The following CCDC178 variants were observed in gnomAD, a reference collection of about 807,000 sequenced individuals.
The protein encoded by CCDC178 is coiled-coil domain containing 178.
In CCDC178, 126 loss-of-function variants were observed where a neutral mutation model predicts 117.4. The observed-to-expected ratio is 1.07, with a 90% CI of 0.93 to 1.24. The LOEUF (loss-of-function observed/expected upper bound fraction) is 1.24. CCDC178 is among the 50% of genes most tolerant of loss of function. CCDC178 has a pLI of 0.00. For missense variants in CCDC178, 1,030 were observed against 986.9 expected (o/e 1.04, Z -0.59); for synonymous variants, 283 against 313.4 (o/e 0.90, Z 1.02).
chr18:33,083,356 G>C (rs1448904642), intron 21 of CCDC178, among the ~76,000 whole-genome samples: 2 of 152,074 alleles, frequency 1.3e-5, no homozygotes, highest in African/African-American at 2.4e-5. Context: ...AGAGATAAAG[G>C]GTATGAATAC....
At chr18:33,394,965 AT>A (rs1950649651) in intron 4 of CCDC178, among the ~76,000 whole-genome samples, 1 of 133,398 alleles carries the variant, frequency 7.5e-6, no homozygotes, top group African/African-American at 2.7e-5. Context: ...ATATATATAT[AT>A]ATATATATAT....
At chr18:33,001,462 G>A (rs868739540) in intron 21 of CCDC178, among the ~76,000 whole-genome samples, 10 of 151,882 alleles carry the variant, frequency 6.6e-5, no homozygotes, top group South Asian at 4.2e-4. Context: ...GCAGTGAGCC[G>A]AGATCACGCC....
At chr18:33,200,362 C>A (rs2058978236) in intron 20 of CCDC178, among the ~76,000 whole-genome samples, 1 of 152,220 alleles carries the variant, frequency 6.6e-6, no homozygotes, top group Non-Finnish European at 1.5e-5. Context: ...TAGTGCAACA[C>A]TAATGCGAAA....
At chr18:33,260,838 G>C (rs1329758541) in intron 14 of CCDC178, among the ~76,000 whole-genome samples, 1 of 151,732 alleles carries the variant, frequency 6.6e-6, no homozygotes, top group Non-Finnish European at 1.5e-5. Flanking sequence ...CTGCACTATA[G>C]TGGCACGCTT....
intron 7 of CCDC178, among the ~76,000 whole-genome samples, chr18:33,352,927 T>C (rs1206232440): frequency 2.6e-5 from 4 of 152,122 alleles, no homozygotes; most frequent in Non-Finnish European, 4.4e-5. Flanking sequence ...TGGTTAGGTC[T>C]TGTTGGTTCA....
intron 12 of CCDC178, among the ~76,000 whole-genome samples, chr18:33,284,846 C>T (rs556813332): frequency 2.4e-4 from 37 of 152,054 alleles, no homozygotes; most frequent in Non-Finnish European, 4.1e-4. Context: ...ACAGAAATGA[C>T]TTTCAAAGAA....
chr18:33,239,587 A>C (rs2059462797), intron 15 of CCDC178, among the ~76,000 whole-genome samples: 1 of 151,964 alleles, frequency 6.6e-6, no homozygotes, highest in South Asian at 2.1e-4. Context: ...ATCAGACTTC[A>C]AATGAAAAAC....
At chr18:33,356,781 A>G (rs971536391) in intron 6 of CCDC178, among the ~76,000 whole-genome samples, 6 of 152,180 alleles carry the variant, frequency 3.9e-5, no homozygotes, top group African/African-American at 1.4e-4. Context: ...CTTGAAAGAA[A>G]TCAAAGTATT....
intron 22 of CCDC178, among the ~76,000 whole-genome samples, chr18:32,956,191 G>C (rs193184375): frequency 1.3e-4 from 20 of 152,204 alleles, no homozygotes; most frequent in African/African-American, 3.6e-4. Context: ...GAATTCAATG[G>C]CTAAGATCCT....
intron 15 of CCDC178, among the ~76,000 whole-genome samples, chr18:33,235,008 C>T (rs967389448): frequency 6.6e-6 from 1 of 152,098 alleles, no homozygotes; most frequent in Non-Finnish European, 1.5e-5. Flanking sequence ...ACTAAAGATG[C>T]TCTAAGTACT....
At chr18:33,222,994 G>T in intron 18 of CCDC178, 112 bp downstream of exon 18, 1 of 742,120 alleles carries the variant, frequency 1.3e-6, no homozygotes, top group Non-Finnish European at 2.1e-6. Flanking sequence ...TCGATTTAGT[G>T]CAATCAATAA....
intron 7 of CCDC178, among the ~76,000 whole-genome samples, chr18:33,354,075 CT>C (rs964868149): frequency 3.9e-5 from 6 of 152,056 alleles, no homozygotes; most frequent in Middle Eastern, 3.4e-3. Flanking sequence ...TTGACAGTTT[CT>C]TTTTTTTCTT....
At chr18:32,953,521 C>A (rs1013219040) in intron 22 of CCDC178, among the ~76,000 whole-genome samples, 1 of 152,166 alleles carries the variant, frequency 6.6e-6, no homozygotes, top group Non-Finnish European at 1.5e-5. Flanking sequence ...TGTTCCTTAC[C>A]ATTGGTGAAC....
intron 9 of CCDC178, among the ~76,000 whole-genome samples, chr18:33,343,312 C>T (rs2062841487): frequency 6.6e-6 from 1 of 152,166 alleles, no homozygotes; most frequent in African/African-American, 2.4e-5. Context: ...GGGAAAACTG[C>T]TATGCATATC....
At chr18:33,336,963 C>G (rs2062748730) in intron 9 of CCDC178, among the ~76,000 whole-genome samples, 1 of 151,912 alleles carries the variant, frequency 6.6e-6, no homozygotes, top group Non-Finnish European at 1.5e-5. Context: ...ATAGGAATTG[C>G]ATTGAATTTG....
chr18:33,185,723 T>C (rs917503876), intron 20 of CCDC178, among the ~76,000 whole-genome samples: 5 of 152,078 alleles, frequency 3.3e-5, no homozygotes, highest in Admixed American at 3.3e-4. Context: ...TTGGTACCAC[T>C]TAATTTAAGG....
chr18:33,005,517 T>C (rs2055728649), intron 21 of CCDC178, among the ~76,000 whole-genome samples: 1 of 151,912 alleles, frequency 6.6e-6, no homozygotes. Flanking sequence ...AAAATATAGT[T>C]AGATAAAATA....
chr18:33,336,328 A>T (rs1390775132), intron 9 of CCDC178, among the ~76,000 whole-genome samples: 1 of 152,056 alleles, frequency 6.6e-6, no homozygotes. Flanking sequence ...TGTACCCTAC[A>T]CATATATCAA....
Position 33,179,091 on chromosome 18 carries a change from ATATATATATATATATATAAAC to A in CCDC178, c.2238+32784_2238+32804del, listed in dbSNP as rs2058700474. 6.3e-5 allele frequency among the ~76,000 whole-genome samples: 7 copies of A among 111,718 alleles called. 1 individual carries two copies. Among genetic ancestry groups the A allele is most frequent in the South Asian group, 2.5e-4 (1 of 4,004 alleles). 73.3% of individuals were successfully genotyped at this position (111,718 alleles called of 152,430 possible). ...AAAAAAAAAAAAAATATATATATAT[ATATATATATATATATATAAAC>A]TATATATATATATATAAACTATATA... On this transcript the variant is annotated intron_variant, in intron 20 of 22. Coordinates refer to ENST00000383096, the MANE Select transcript of CCDC178 (RefSeq NM_001105528.4).
Sources: gnomAD v4.1 joint callset for allele counts (sites outside exome capture counted in the v4.1 genomes callset) on GRCh38, gnomAD v4.1.1 for gene constraint, MANE v1.5 for transcripts, NCBI Gene and HGNC (gene_info 2026-07-23, HGNC 2026-07-21) for gene names.